The following DOCK3 variants were observed in gnomAD, a reference collection of about 807,000 sequenced individuals.
The protein encoded by DOCK3 is dedicator of cytokinesis 3, also known as dedicator of cytokinesis protein 3.
Under a neutral mutation model 265.6 loss-of-function variants are expected in DOCK3, and 60 were observed. The observed-to-expected ratio is 0.23, with a 90% CI of 0.18 to 0.28. The LOEUF is 0.28. DOCK3 is among the 10% of genes least tolerant of loss of function. The probability of loss-of-function intolerance (pLI) is 1.00; values close to 1 mark genes in which losing one functional copy is unlikely to be tolerated. For missense variants in DOCK3, 1,981 were observed against 2,594.3 expected (o/e 0.76, Z 5.14); for synonymous variants, 881 against 938.0 (o/e 0.94, Z 1.11).
chr3:51,156,043 G>T (rs906915771), intron 10 of DOCK3, among the ~76,000 whole-genome samples: 1 of 152,008 alleles, frequency 6.6e-6, no homozygotes, highest in African/African-American at 2.4e-5. Context: ...TTCCAAGATA[G>T]AATTTTAAGT....
chr3:50,763,939 C>A (rs972936686), intron 1 of DOCK3, among the ~76,000 whole-genome samples: 16 of 152,210 alleles, frequency 1.1e-4, no homozygotes, highest in Admixed American at 1.0e-3. Flanking sequence ...TGCTAATGGT[C>A]TTGAACAAGT....
chr3:51,012,510 G>C (rs1474510632), intron 5 of DOCK3, among the ~76,000 whole-genome samples: 1 of 152,134 alleles, frequency 6.6e-6, no homozygotes, highest in Non-Finnish European at 1.5e-5. Context: ...GCAGTATTAG[G>C]GTGGGAGTGA....
At chr3:50,904,552 A>G (rs563115974) in intron 4 of DOCK3, among the ~76,000 whole-genome samples, 1 of 152,348 alleles carries the variant, frequency 6.6e-6, no homozygotes, top group African/African-American at 2.4e-5. Context: ...TTGGCTGCAT[A>G]AATATCTTCT....
Position 51,275,226 on chromosome 3 carries a change from T to C in DOCK3, c.2676+20T>C. ...TCTCTGGTAGTGGCCCCACACCCACTCCACCCTGTTCAGCTCTTCCCTAGT... is the reference window on the plus strand; with the variant it reads ...TCTCTGGTAGTGGCCCCACACCCACCCCACCCTGTTCAGCTCTTCCCTAGT... On this transcript the variant is annotated intron_variant, in intron 25 of 52. Coordinates refer to ENST00000266037, the MANE Select transcript of DOCK3 (RefSeq NM_004947.5). 6.2e-7 allele frequency: 1 copy of C among 1,613,452 alleles called. No homozygotes were observed. The highest frequency in any genetic ancestry group is 1.1e-5 in the South Asian group (1 of 91,066).
intron 6 of DOCK3, among the ~76,000 whole-genome samples, chr3:51,071,332 G>C (rs2081859082): frequency 6.6e-6 from 1 of 152,132 alleles, no homozygotes; most frequent in Non-Finnish European, 1.5e-5. Flanking sequence ...GGTGAGAGAA[G>C]ACCAAGTATT....
In DOCK3 at chr3:51,295,676, A is replaced by C. The variant is rs185656025; in HGVS notation, c.2923-14556A>C. Among the ~76,000 whole-genome samples the C allele has an allele frequency of 3.8e-3, 575 of 152,282 alleles. 3 individuals carry two copies. Among genetic ancestry groups the C allele is most frequent in the Non-Finnish European group, 4.2e-3 (285 of 68,026 alleles). ...ACACCTAACATCATACTTCATAACA[A>C]AAGATTAATTTCTTTCTCCTAAGAT... is the stretch of plus-strand genomic sequence containing the variant. On this transcript the variant is annotated intron_variant, in intron 27 of 52. Transcript: ENST00000266037.
At chr3:50,904,455 C>T (rs577196723) in intron 4 of DOCK3, among the ~76,000 whole-genome samples, 22 of 152,320 alleles carry the variant, frequency 1.4e-4, no homozygotes, top group African/African-American at 5.1e-4. Context: ...GATCGCCATT[C>T]TAACTGGTGT....
intron 1 of DOCK3, among the ~76,000 whole-genome samples, chr3:50,697,843 T>C (rs1360152615): frequency 6.6e-6 from 1 of 152,168 alleles, no homozygotes; most frequent in Non-Finnish European, 1.5e-5. Context: ...TGTCTGCTGC[T>C]TTGTTGTGAT....
intron 27 of DOCK3, among the ~76,000 whole-genome samples, chr3:51,300,966 T>G (rs1292033737): frequency 6.6e-6 from 1 of 152,216 alleles, no homozygotes; most frequent in Non-Finnish European, 1.5e-5. Flanking sequence ...TGGAGTAATT[T>G]CAGAAGAAAT....
chr3:51,061,414 G>T (rs1243985316), intron 5 of DOCK3, among the ~76,000 whole-genome samples: 7 of 152,238 alleles, frequency 4.6e-5, no homozygotes, highest in Middle Eastern at 3.4e-3. Context: ...CCTTTGTAGG[G>T]ACATGGATGA....
intron 7 of DOCK3, among the ~76,000 whole-genome samples, chr3:51,084,026 A>G (rs1362303009): frequency 6.6e-6 from 1 of 152,116 alleles, no homozygotes; most frequent in East Asian, 1.9e-4. Flanking sequence ...GAATCTGAAG[A>G]CAGGTTTTTT....
intron 5 of DOCK3, among the ~76,000 whole-genome samples, chr3:51,048,187 A>T (rs963056436): frequency 3.8e-3 from 7 of 1,866 alleles, no homozygotes; most frequent in Non-Finnish European, 4.1e-3. Flanking sequence ...TTTCATGATA[A>T]AAAAAAAAAA....
At chr3:51,326,304 A>G (rs1472145271) in intron 32 of DOCK3, among the ~76,000 whole-genome samples, 1 of 150,220 alleles carries the variant, frequency 6.7e-6, no homozygotes, top group Non-Finnish European at 1.5e-5. Flanking sequence ...TCTGTCACCC[A>G]GGCTGGAGTG....
chr3:51,195,245 G>A (rs1471049599), intron 12 of DOCK3, among the ~76,000 whole-genome samples: 1 of 152,008 alleles, frequency 6.6e-6, no homozygotes, highest in Non-Finnish European at 1.5e-5. Flanking sequence ...TTGATATGTG[G>A]TGCTTTGTTT....
chr3:50,796,000 A>G (rs2042750254), intron 2 of DOCK3, among the ~76,000 whole-genome samples: 1 of 150,696 alleles, frequency 6.6e-6, no homozygotes. Flanking sequence ...CATTTTAGCC[A>G]TCTGAGCGCC....
chr3:50,692,117 A>G (rs1459246369), intron 1 of DOCK3, among the ~76,000 whole-genome samples: 2 of 151,954 alleles, frequency 1.3e-5, no homozygotes, highest in African/African-American at 2.4e-5. Flanking sequence ...TAGTCTTGCT[A>G]TGTTGCCCAG....
chr3:50,730,760 G>A (rs2038150385), intron 1 of DOCK3, among the ~76,000 whole-genome samples: 1 of 152,074 alleles, frequency 6.6e-6, no homozygotes, highest in African/African-American at 2.4e-5. Flanking sequence ...GAGCCCAAGA[G>A]TTTGAGGCTG....
chr3:50,988,009 C>G lies in DOCK3; in HGVS notation c.315+53932C>G, dbSNP rs78257326. On this transcript the variant is annotated intron_variant, in intron 5 of 52. Transcript: ENST00000266037. The stretch of plus-strand genomic sequence containing the variant: ...GAGGTTAGACCCCTTAGGAAAGAGG[C>G]TGAATCCAGGGAGCTAAGCAGTGAC... Among the ~76,000 whole-genome samples, 11 of 152,298 alleles carry G rather than the reference C, an allele frequency of 7.2e-5. No homozygotes were observed. In the East Asian group the frequency reaches 2.1e-3, roughly 29 times the overall value.
chr3:50,994,822 T>C (rs961902295), intron 5 of DOCK3, among the ~76,000 whole-genome samples: 2 of 152,230 alleles, frequency 1.3e-5, no homozygotes, highest in South Asian at 2.1e-4. Context: ...AGATAAGATA[T>C]ATAAAGAGCA....
Sources: gnomAD v4.1 joint callset for allele counts (sites outside exome capture counted in the v4.1 genomes callset) on GRCh38, gnomAD v4.1.1 for gene constraint, MANE v1.5 for transcripts, NCBI Gene and HGNC (gene_info 2026-07-23, HGNC 2026-07-21) for gene names.